Variants in CPE observed in about 807,000 individuals in gnomAD.
CPE encodes carboxypeptidase E.
A neutral mutation model predicts 53.5 loss-of-function variants in CPE; 17 were observed. The observed-to-expected ratio is 0.32, with a 90% CI of 0.22 to 0.48. The LOEUF (loss-of-function observed/expected upper bound fraction) is 0.48, where lower values mean the gene tolerates loss of function less well. Ranked by LOEUF, CPE falls within the 20% of genes least tolerant of loss-of-function variation. The probability of loss-of-function intolerance (pLI) is 0.99; values close to 1 mark genes in which losing one functional copy is unlikely to be tolerated. For synonymous variants in CPE, 226 were observed against 228.8 expected, an observed-to-expected ratio of 0.99 and a Z score of 0.11; for missense variants, 524 against 614.7, an observed-to-expected ratio of 0.85 and a Z score of 1.56.
At chr4:165,484,147 A>T (rs1469024016) in intron 4 of CPE, among the ~76,000 whole-genome samples, 1 of 152,196 alleles carries the variant, frequency 6.6e-6, no homozygotes, top group Non-Finnish European at 1.5e-5. Context: ...GGCCTAGTTT[A>T]CTATGACTTT....
At chr4:165,479,506 C>T (rs1732364270) in intron 3 of CPE, among the ~76,000 whole-genome samples, 1 of 152,060 alleles carries the variant, frequency 6.6e-6, no homozygotes, top group South Asian at 2.1e-4. Context: ...ACATAGTGGT[C>T]ACTTAATACT....
chr4:165,391,173 A>G (rs1235887191), intron 1 of CPE, among the ~76,000 whole-genome samples: 1 of 152,186 alleles, frequency 6.6e-6, no homozygotes, highest in Admixed American at 6.6e-5. Flanking sequence ...TTATTTTAAC[A>G]TTGAAGCTGA....
chr4:165,482,363 G>A lies in CPE; in HGVS notation c.790+4G>A. On this transcript the variant is annotated splice_donor_region_variant and intron_variant, in intron 4 of 8. Coordinates refer to ENST00000402744, the MANE Select transcript of CPE (RefSeq NM_001873.4). ...CCATATGATGAGACGCGGAGTGGTA[G>A]GTATTCTTTCTGCTTCTCTTATTGG... The A allele has an allele frequency of 6.3e-7, 1 of 1,586,772 alleles. No homozygotes were observed. The highest frequency in any genetic ancestry group is 1.3e-5 in the African/African-American group (1 of 74,444).
intron 1 of CPE, among the ~76,000 whole-genome samples, chr4:165,443,402 G>C (rs1290917545): frequency 6.6e-6 from 1 of 152,022 alleles, no homozygotes; most frequent in Non-Finnish European, 1.5e-5. Context: ...GTATTGCTTT[G>C]CTAAGGCCAC....
intron 1 of CPE, chr4:165,406,016 C>A: frequency 1.3e-6 from 1 of 754,056 alleles, no homozygotes; most frequent in Non-Finnish European, 2.5e-6. Flanking sequence ...AGGGGTCTTG[C>A]AAGTGGCTAA....
chr4:165,457,001 A>G (rs1022082086), intron 1 of CPE, among the ~76,000 whole-genome samples: 1 of 151,990 alleles, frequency 6.6e-6, no homozygotes, highest in African/African-American at 2.4e-5. Flanking sequence ...TGCCTCCCAA[A>G]GTGCTGGGAT....
intron 1 of CPE, among the ~76,000 whole-genome samples, chr4:165,459,512 A>G (rs1330894562): frequency 6.6e-6 from 1 of 152,126 alleles, no homozygotes; most frequent in Non-Finnish European, 1.5e-5. Context: ...AAATTGACAC[A>G]ATGGGGAAAA....
At chr4:165,409,985 T>G (rs1731011285) in intron 1 of CPE, among the ~76,000 whole-genome samples, 1 of 152,034 alleles carries the variant, frequency 6.6e-6, no homozygotes. Flanking sequence ...CAGTGGCTCA[T>G]GCCTGTAATC....
intron 6 of CPE, among the ~76,000 whole-genome samples, chr4:165,488,944 C>G (rs145361507): frequency 6.6e-6 from 1 of 152,112 alleles, no homozygotes; most frequent in South Asian, 2.1e-4. Context: ...CAGGGACTGT[C>G]GTGGAATAGA....
chr4:165,491,551 CT>C (rs1732605619), intron 6 of CPE, among the ~76,000 whole-genome samples: 5 of 152,036 alleles, frequency 3.3e-5, no homozygotes, highest in African/African-American at 1.2e-4. Context: ...GAATTTCAAA[CT>C]CTTTTCAATT....
At chr4:165,394,082 G>T (rs7683476) in intron 1 of CPE, among the ~76,000 whole-genome samples, 43,244 of 151,936 alleles carry the variant, frequency 0.28, 7,641 homozygotes, top group African/African-American at 0.51. Flanking sequence ...AGAGAGAGAA[G>T]AGAAAGACTT....
chr4:165,464,296 C>T lies in CPE; in HGVS notation c.308-94C>T. ...AAGGCATCGCTGCTGGAGGAAAAAA[C>T]CCATCAGATATTCATAATACATTTG... On this transcript the variant is annotated intron_variant, in intron 1 of 8. Coordinates refer to ENST00000402744, the MANE Select transcript of CPE (RefSeq NM_001873.4). 4 of 1,003,138 alleles carry T rather than the reference C, an allele frequency of 4.0e-6. No individual in the cohort carries two copies. In the South Asian group the frequency reaches 8.6e-5, roughly 22 times the overall value. The allele number at this position is 1,003,138 out of a possible 1,614,324, so 62.1% of individuals were successfully genotyped here.
chr4:165,411,713 G>A (rs1196786294), intron 1 of CPE, among the ~76,000 whole-genome samples: 1 of 152,054 alleles, frequency 6.6e-6, no homozygotes, highest in African/African-American at 2.4e-5. Context: ...AAACAGATCT[G>A]GTTTATCTGA....
chr4:165,418,866 A>G (rs1731164718), intron 1 of CPE, among the ~76,000 whole-genome samples: 1 of 152,200 alleles, frequency 6.6e-6, no homozygotes, highest in African/African-American at 2.4e-5. Context: ...AAAGTTGAGA[A>G]AATATAGCAG....
At chr4:165,434,664 G>C (rs1471056757) in intron 1 of CPE, among the ~76,000 whole-genome samples, 1 of 152,072 alleles carries the variant, frequency 6.6e-6, no homozygotes, top group Admixed American at 6.6e-5. Flanking sequence ...TGGATATGAG[G>C]TTCTGGAAGT....
chr4:165,477,729 G>GAA (rs35008723), intron 3 of CPE, among the ~76,000 whole-genome samples: 70 of 145,220 alleles, frequency 4.8e-4, no homozygotes, highest in African/African-American at 1.3e-3. Context: ...ATAGCTGTGA[G>GAA]AAAAAAAAAA....
chr4:165,488,917 A>G (rs554148781), intron 6 of CPE, among the ~76,000 whole-genome samples: 55 of 152,280 alleles, frequency 3.6e-4, no homozygotes, highest in Non-Finnish European at 6.9e-4. Flanking sequence ...AAATATCCAT[A>G]TACTGTAATA....
intron 1 of CPE, among the ~76,000 whole-genome samples, chr4:165,442,036 G>GTTTTTTT (rs1318749931): frequency 5.9e-4 from 36 of 61,308 alleles, no homozygotes; most frequent in African/African-American, 2.5e-3. Context: ...TTTTTTTTTT[G>GTTTTTTT]TTTTTTTTTT....
intron 1 of CPE, among the ~76,000 whole-genome samples, chr4:165,456,036 A>G (rs770030480): frequency 6.6e-5 from 10 of 152,158 alleles, no homozygotes; most frequent in Non-Finnish European, 1.2e-4. Context: ...TTGTGATACT[A>G]ATTTTAAATT....
Sources: gnomAD v4.1 joint callset for allele counts (sites outside exome capture counted in the v4.1 genomes callset) on GRCh38, gnomAD v4.1.1 for gene constraint, MANE v1.5 for transcripts, NCBI Gene and HGNC (gene_info 2026-07-23, HGNC 2026-07-21) for gene names.